The following IMMP2L variants were observed in gnomAD, a reference collection of about 807,000 sequenced individuals.
IMMP2L encodes the protein inner mitochondrial membrane peptidase subunit 2.
In IMMP2L, 18 loss-of-function variants were observed where a neutral mutation model predicts 19.3. The observed-to-expected ratio is 0.93, with a 90% CI of 0.64 to 1.38. IMMP2L has a LOEUF of 1.38. IMMP2L is among the 40% of genes most tolerant of loss of function. IMMP2L has a pLI of 0.00. For synonymous variants in IMMP2L, 76 were observed against 73.0 expected, an observed-to-expected ratio of 1.04 and a Z score of -0.21; for missense variants, 233 against 218.2, an observed-to-expected ratio of 1.07 and a Z score of -0.43.
At chr7:111,011,231 T>C (rs1824919919) in intron 3 of IMMP2L, among the ~76,000 whole-genome samples, 1 of 152,142 alleles carries the variant, frequency 6.6e-6, no homozygotes, top group African/African-American at 2.4e-5. Flanking sequence ...TGTTGAATTA[T>C]GAAGACTAAA....
chr7:110,947,113 A>G (rs1255438587), intron 4 of IMMP2L, among the ~76,000 whole-genome samples: 1 of 152,222 alleles, frequency 6.6e-6, no homozygotes, highest in Non-Finnish European at 1.5e-5. Flanking sequence ...TCTTTTAGCA[A>G]TGAAAATAAT....
chr7:110,699,491 G>A (rs1404711354), intron 5 of IMMP2L, among the ~76,000 whole-genome samples: 19 of 152,066 alleles, frequency 1.2e-4, no homozygotes, highest in Admixed American at 1.2e-3. Flanking sequence ...GGTGAAGGAG[G>A]CCAGGAGCAG....
At chr7:111,367,238 AG>A (rs928557312) in intron 3 of IMMP2L, among the ~76,000 whole-genome samples, 10 of 151,974 alleles carry the variant, frequency 6.6e-5, no homozygotes, top group African/African-American at 2.4e-4. Flanking sequence ...AGAAGAATAA[AG>A]AAAAAAATAA....
chr7:110,845,777 A>G (rs1440416849), intron 5 of IMMP2L, among the ~76,000 whole-genome samples: 1 of 147,506 alleles, frequency 6.8e-6, no homozygotes, highest in Non-Finnish European at 1.5e-5. Flanking sequence ...ATGAAGCTTA[A>G]GCACCAATGT....
At chr7:110,790,593 G>T (rs1469086755) in intron 5 of IMMP2L, among the ~76,000 whole-genome samples, 6 of 151,620 alleles carry the variant, frequency 4.0e-5, no homozygotes, top group Non-Finnish European at 5.9e-5. Context: ...ATGATAGCTT[G>T]GTTATAAGAC....
At chr7:111,357,178 G>T (rs1171246758) in intron 3 of IMMP2L, among the ~76,000 whole-genome samples, 1 of 152,126 alleles carries the variant, frequency 6.6e-6, no homozygotes, top group Non-Finnish European at 1.5e-5. Context: ...AAGTTTTTTG[G>T]CTAAATACAC....
chr7:111,242,706 CTAAA>C (rs758323054), intron 3 of IMMP2L, among the ~76,000 whole-genome samples: 4 of 151,892 alleles, frequency 2.6e-5, no homozygotes, highest in Non-Finnish European at 5.9e-5. Flanking sequence ...GATGACCACT[CTAAA>C]TACTCCTCCA....
At chr7:110,899,283 G>A (rs961217374) in intron 4 of IMMP2L, among the ~76,000 whole-genome samples, 18 of 151,984 alleles carry the variant, frequency 1.2e-4, no homozygotes, top group East Asian at 3.9e-4. Context: ...TTCGTTTTAC[G>A]TGACCAATGG....
At chr7:110,759,646 G>C (rs1400650913) in intron 5 of IMMP2L, among the ~76,000 whole-genome samples, 2 of 152,082 alleles carry the variant, frequency 1.3e-5, no homozygotes. Context: ...TTTTGGAGCT[G>C]CTTTATTTCC....
At chr7:110,913,746 T>C (rs964501247) in intron 4 of IMMP2L, among the ~76,000 whole-genome samples, 1 of 152,186 alleles carries the variant, frequency 6.6e-6, no homozygotes, top group Non-Finnish European at 1.5e-5. Flanking sequence ...CAGCTTCTTT[T>C]ACACTGTTAA....
At chr7:111,398,243 A>G (rs1018160485) in intron 3 of IMMP2L, among the ~76,000 whole-genome samples, 1 of 152,156 alleles carries the variant, frequency 6.6e-6, no homozygotes, top group African/African-American at 2.4e-5. Context: ...ACACTAGCTA[A>G]CCTAATCCAA....
At chr7:110,889,397 A>G (rs1283178997) in intron 4 of IMMP2L, among the ~76,000 whole-genome samples, 3 of 152,164 alleles carry the variant, frequency 2.0e-5, no homozygotes, top group Admixed American at 1.3e-4. Context: ...ATCATCAGGT[A>G]TAAGAGTGTC....
chr7:110,949,507 T>C (rs1817576222), intron 4 of IMMP2L, among the ~76,000 whole-genome samples: 1 of 152,318 alleles, frequency 6.6e-6, no homozygotes, highest in East Asian at 1.9e-4. Flanking sequence ...GTAGATAATA[T>C]AGCCCACAGG....
rs548706739 is a variant in IMMP2L at position 111,397,876 on chromosome 7, AT to A, written c.239+89361del. Among the ~76,000 whole-genome samples the A allele has an allele frequency of 4.7e-3, 719 of 152,196 alleles. 5 individuals carry two copies. The highest frequency in any genetic ancestry group is 0.016 in the African/African-American group (685 of 41,552). On this transcript the variant is annotated intron_variant, in intron 3 of 5. Transcript: ENST00000405709. ...AGAGACTTTCATTTTGCATAATCAA[AT>A]TTGTTAAACTTTTCCTTCATTATAT...
intron 3 of IMMP2L, among the ~76,000 whole-genome samples, chr7:111,270,714 T>C (rs1462100624): frequency 6.6e-6 from 1 of 152,192 alleles, no homozygotes; most frequent in Non-Finnish European, 1.5e-5. Flanking sequence ...TTCAATAATT[T>C]ATGAACGGTA....
intron 3 of IMMP2L, among the ~76,000 whole-genome samples, chr7:111,484,757 T>C (rs1047436085): frequency 6.6e-6 from 1 of 152,176 alleles, no homozygotes; most frequent in African/African-American, 2.4e-5. Context: ...AATACATGGA[T>C]ATGGTCTAGA....
At chr7:111,479,625 G>A (rs955636797) in intron 3 of IMMP2L, among the ~76,000 whole-genome samples, 7 of 152,044 alleles carry the variant, frequency 4.6e-5, no homozygotes, top group Non-Finnish European at 8.8e-5. Context: ...GCTTCTCCTC[G>A]ATAGCTAAAT....
intron 3 of IMMP2L, among the ~76,000 whole-genome samples, chr7:111,028,739 C>T (rs1041393387): frequency 1.3e-5 from 2 of 152,098 alleles, no homozygotes; most frequent in African/African-American, 4.8e-5. Flanking sequence ...GTTTTCCTTG[C>T]ATTCTTTCTT....
intron 3 of IMMP2L, among the ~76,000 whole-genome samples, chr7:111,381,125 T>C (rs1831160779): frequency 6.6e-6 from 1 of 151,930 alleles, no homozygotes; most frequent in Non-Finnish European, 1.5e-5. Flanking sequence ...AGCATATTTC[T>C]AGGAAGTACA....
Sources: allele counts gnomAD v4.1 joint callset (sites outside exome capture counted in the v4.1 genomes callset), GRCh38; gene constraint gnomAD v4.1.1; transcripts MANE v1.5; gene names NCBI Gene and HGNC (gene_info 2026-07-23, HGNC 2026-07-21).